FGF12: variants seen among roughly 807,000 people sequenced by gnomAD.
The protein encoded by FGF12 is fibroblast growth factor 12.
Under a neutral mutation model 23.6 loss-of-function variants are expected in FGF12, and 14 were observed. That is an observed-to-expected ratio of 0.59 (90% CI 0.39 to 0.93). The LOEUF (loss-of-function observed/expected upper bound fraction) is 0.93. FGF12 is among the 40% of genes least tolerant of loss of function. FGF12 has a pLI of 0.00. For missense variants in FGF12, 175 were observed against 217.8 expected (o/e 0.80, Z 1.24); for synonymous variants, 62 against 77.3 (o/e 0.80, Z 1.04).
intron 2 of FGF12, among the ~76,000 whole-genome samples, chr3:192,406,424 C>T (rs1720961308): frequency 1.3e-5 from 2 of 152,066 alleles, no homozygotes; most frequent in African/African-American, 4.8e-5. Context: ...GAGTTCAGAA[C>T]CTTGAAGTCC....
intron 2 of FGF12, among the ~76,000 whole-genome samples, chr3:192,475,059 C>T (rs1475917567): frequency 1.3e-5 from 2 of 152,148 alleles, no homozygotes; most frequent in African/African-American, 4.8e-5. Flanking sequence ...TGGTATCCTT[C>T]TAACAATTCC....
chr3:192,367,389 T>G (rs771272329), intron 2 of FGF12, among the ~76,000 whole-genome samples: 26 of 152,202 alleles, frequency 1.7e-4, no homozygotes, highest in Admixed American at 6.5e-4. Flanking sequence ...CTGTTAAATG[T>G]GATTCTTGTC....
chr3:192,576,161 GC>G (rs913076841), intron 2 of FGF12, among the ~76,000 whole-genome samples: 51 of 152,042 alleles, frequency 3.4e-4, no homozygotes, highest in African/African-American at 1.2e-3. Flanking sequence ...TTTTTTTTCT[GC>G]TTACAAACGA....
chr3:192,377,363 TA>T (rs1279950255), intron 2 of FGF12, among the ~76,000 whole-genome samples: 1 of 152,234 alleles, frequency 6.6e-6, no homozygotes, highest in East Asian at 1.9e-4. Context: ...CTCATCTCGA[TA>T]AATATAAATT....
intron 4 of FGF12, among the ~76,000 whole-genome samples, chr3:192,323,263 C>T (rs1716642638): frequency 6.6e-6 from 1 of 152,322 alleles, no homozygotes; most frequent in African/African-American, 2.4e-5. Context: ...GATATTTGCA[C>T]TCCTATGTTT....
At chr3:192,652,586 C>G (rs975927269) in intron 2 of FGF12, among the ~76,000 whole-genome samples, 1 of 152,174 alleles carries the variant, frequency 6.6e-6, no homozygotes, top group Non-Finnish European at 1.5e-5. Flanking sequence ...AAGTGTGGTG[C>G]CCAAATCAAC....
At chr3:192,342,474 A>G (rs563253906) in intron 3 of FGF12, among the ~76,000 whole-genome samples, 40 of 152,230 alleles carry the variant, frequency 2.6e-4, no homozygotes, top group African/African-American at 9.6e-4. Flanking sequence ...CAATTGAGAT[A>G]TTAAACATCT....
chr3:192,380,686 C>A (rs1719778733), intron 2 of FGF12, among the ~76,000 whole-genome samples: 1 of 152,054 alleles, frequency 6.6e-6, no homozygotes, highest in African/African-American at 2.4e-5. Context: ...AAGTAGAGTA[C>A]AACTTGTTAG....
intron 4 of FGF12, among the ~76,000 whole-genome samples, chr3:192,271,840 T>G (rs1396739462): frequency 6.6e-6 from 1 of 152,178 alleles, no homozygotes; most frequent in Non-Finnish European, 1.5e-5. Flanking sequence ...ACACTAGTTT[T>G]GCAGCACTGT....
At chr3:192,407,000 G>A (rs912125861) in intron 2 of FGF12, among the ~76,000 whole-genome samples, 7 of 152,214 alleles carry the variant, frequency 4.6e-5, no homozygotes, top group African/African-American at 1.7e-4. Context: ...GAATGCAAAT[G>A]GCTCTGCAGC....
At chr3:192,355,958 A>C (rs951764135) in intron 3 of FGF12, among the ~76,000 whole-genome samples, 3 of 152,212 alleles carry the variant, frequency 2.0e-5, no homozygotes, top group Non-Finnish European at 2.9e-5. Context: ...GAAATTGTCT[A>C]TATTCAACAG....
chr3:192,624,286 T>C (rs1253960408), intron 2 of FGF12, among the ~76,000 whole-genome samples: 1 of 152,200 alleles, frequency 6.6e-6, no homozygotes, highest in Non-Finnish European at 1.5e-5. Context: ...CAGTTAGGCC[T>C]GTTTCTATTT....
intron 4 of FGF12, chr3:192,267,188 C>A (rs116128080): frequency 6.6e-6 from 1 of 152,080 alleles, no homozygotes. Context: ...AAGGTGATTT[C>A]GTCTGAGAGG....
At chr3:192,158,370 C>CTTTCTTTCTTTCTTTCTTT (rs1714599072) in intron 5 of FGF12, among the ~76,000 whole-genome samples, 1 of 121,548 alleles carries the variant, frequency 8.2e-6, no homozygotes, top group African/African-American at 3.2e-5. Context: ...TTCTTTCTTT[C>CTTTCTTTCTTTCTTTCTTT]TTTCTTTCTT....
At chr3:192,327,907 C>T (rs1358469311) in intron 4 of FGF12, among the ~76,000 whole-genome samples, 1 of 152,088 alleles carries the variant, frequency 6.6e-6, no homozygotes, top group Non-Finnish European at 1.5e-5. Context: ...ACCTCTTGTC[C>T]AGGTTCAAAC....
At chr3:192,364,707 C>T (rs551864023) in intron 2 of FGF12, among the ~76,000 whole-genome samples, 1 of 152,282 alleles carries the variant, frequency 6.6e-6, no homozygotes, top group Non-Finnish European at 1.5e-5. Flanking sequence ...AATGTTGGGT[C>T]CCTGAATAAC....
intron 4 of FGF12, among the ~76,000 whole-genome samples, chr3:192,332,612 A>C (rs1717180436): frequency 6.6e-6 from 1 of 152,138 alleles, no homozygotes; most frequent in Non-Finnish European, 1.5e-5. Flanking sequence ...CCTGGTGAAG[A>C]AATAGAAATC....
At chr3:192,665,156 T>C (rs1716817954) in intron 2 of FGF12, among the ~76,000 whole-genome samples, 1 of 152,182 alleles carries the variant, frequency 6.6e-6, no homozygotes, top group Non-Finnish European at 1.5e-5. Context: ...CTTAAATGCA[T>C]GTTACACATT....
intron 2 of FGF12, among the ~76,000 whole-genome samples, chr3:192,548,496 C>A (rs1413820528): frequency 6.6e-6 from 1 of 152,168 alleles, no homozygotes; most frequent in Non-Finnish European, 1.5e-5. Flanking sequence ...CTTTTCACTT[C>A]TAAATCCCTT....
Sources: allele counts gnomAD v4.1 joint callset (sites outside exome capture counted in the v4.1 genomes callset), GRCh38; gene constraint gnomAD v4.1.1; transcripts MANE v1.5; gene names NCBI Gene and HGNC (gene_info 2026-07-23, HGNC 2026-07-21).